The following GSE1 variants were observed in gnomAD, a reference collection of about 807,000 sequenced individuals.
GSE1 encodes the protein Gse1 coiled-coil protein, also known as genetic suppressor element 1.
A neutral mutation model predicts 112.6 loss-of-function variants in GSE1; 32 were observed. The ratio of observed to expected loss-of-function variants is 0.28; its 90% CI spans 0.21 to 0.38. The LOEUF is 0.38. GSE1 is among the 10% of genes least tolerant of loss of function. The pLI is 1.00. For missense variants in GSE1, 2,348 were observed against 1,699.2 expected (o/e 1.38, Z -6.71); for synonymous variants, 1,115 against 735.6 (o/e 1.52, Z -8.35).
chr16:85,314,705 C>T (rs535714593), intron 1 of GSE1, among the ~76,000 whole-genome samples: 71 of 152,286 alleles, frequency 4.7e-4, no homozygotes, highest in African/African-American at 1.5e-3. Context: ...CCTGGAGCTC[C>T]GCCGTCTCCC....
Position 85,413,223 on chromosome 16 carries a change from G to A in GSE1, c.2464+55580G>A, listed in dbSNP as rs145490965. 9.2e-5 allele frequency among the ~76,000 whole-genome samples: 14 copies of A among 152,368 alleles called. No homozygotes were observed. The East Asian group carries it at 2.7e-3, about 29-fold the overall frequency. ...CCGCTGTGAGTGAGGTTGAGGCAGC[G>A]GGGCTGAGGGACCCCCATCTCCCAC... is the stretch of plus-strand genomic sequence containing the variant. On this transcript the variant is annotated intron_variant, in intron 2 of 2. Transcript: ENST00000637419.
At chr16:85,476,974 G>C (rs2151858823) in intron 2 of GSE1, among the ~76,000 whole-genome samples, 1 of 148,380 alleles carries the variant, frequency 6.7e-6, no homozygotes, top group South Asian at 2.1e-4. Context: ...TGACCAACTG[G>C]AGTGCAGTGG....
intron 2 of GSE1, among the ~76,000 whole-genome samples, chr16:85,538,996 C>A (rs1222563315): frequency 6.6e-6 from 1 of 152,208 alleles, no homozygotes; most frequent in Non-Finnish European, 1.5e-5. Context: ...ACCATGGCAT[C>A]CGCCCTGGGT....
At chr16:85,420,603 C>T (rs2048817241) in intron 2 of GSE1, among the ~76,000 whole-genome samples, 1 of 152,140 alleles carries the variant, frequency 6.6e-6, no homozygotes, top group East Asian at 1.9e-4. Context: ...TGACGCGACT[C>T]ACAAACACTG....
chr16:85,487,346 A>G (rs893623723), intron 2 of GSE1, among the ~76,000 whole-genome samples: 8 of 152,140 alleles, frequency 5.3e-5, no homozygotes, highest in African/African-American at 1.9e-4. Context: ...TTTAGAGCTC[A>G]GGTTTTGCAG....
intron 1 of GSE1, chr16:85,594,655 C>T (rs2047145518): frequency 6.6e-6 from 1 of 152,308 alleles, no homozygotes; most frequent in South Asian, 2.1e-4. Context: ...GCAAGTTTCT[C>T]AGCCTCTCAG....
At chr16:85,617,153 C>G (rs2048421714) in intron 1 of GSE1, among the ~76,000 whole-genome samples, 1 of 152,232 alleles carries the variant, frequency 6.6e-6, no homozygotes, top group Admixed American at 6.5e-5. Flanking sequence ...TCACTGAGGC[C>G]AGTCCACCTG....
At chr16:85,188,078 A>G (rs2143405878) in intron 1 of GSE1, among the ~76,000 whole-genome samples, 1 of 152,326 alleles carries the variant, frequency 6.6e-6, no homozygotes. Context: ...GGCCGTGGCC[A>G]CTGTCATCCA....
At chr16:85,599,717 C>G (rs2047380322) in intron 1 of GSE1, among the ~76,000 whole-genome samples, 4 of 152,232 alleles carry the variant, frequency 2.6e-5, no homozygotes, top group African/African-American at 9.6e-5. Context: ...CTCTTCCTTT[C>G]TCTTTCTCCT....
rs575726758 is a variant in GSE1 at position 85,562,266 on chromosome 16, C to T, written c.37+5903C>T. ...CGATACCCCTGAGAGATGGGGAGGC[C>T]GCCACGGTTCCATCTGTCGGCTGGG... On this transcript the variant is annotated intron_variant, in intron 1 of 2. Transcript: ENST00000635906. 1.2e-4 allele frequency among the ~76,000 whole-genome samples: 19 copies of T among 152,338 alleles called. No homozygotes were observed. In the East Asian group the frequency reaches 1.7e-3, roughly 14 times the overall value.
At chr16:85,242,676 C>T (rs2143942176) in intron 1 of GSE1, among the ~76,000 whole-genome samples, 1 of 152,318 alleles carries the variant, frequency 6.6e-6, no homozygotes, top group African/African-American at 2.4e-5. Context: ...ACGACAGCGA[C>T]CCCGACCCCA....
In GSE1 at chr16:85,654,960, G is replaced by A. The variant is rs1338926331; in HGVS notation, c.766G>A (p.Ala256Thr). The change falls in exon 5 of 16, where the codon GCC (alanine) becomes ACC (threonine). Residue 256 changes from alanine to threonine, a missense_variant. Ala to Thr is a moderately conservative substitution (Grantham distance 58). Coordinates refer to ENST00000253458, the MANE Select transcript of GSE1 (RefSeq NM_014615.5). ...AAAYYHPSYL[A>T]PHPFPHPAFR... The stretch of plus-strand genomic sequence containing the variant: ...AGCCTACTACCACCCCAGCTACCTG[G>A]CCCCACACCCCTTCCCCCACCCGGC... 2 of 1,606,448 alleles carry A rather than the reference G, an allele frequency of 1.2e-6. No homozygotes were observed. Among genetic ancestry groups the A allele is most frequent in the Non-Finnish European group, 1.7e-6 (2 of 1,177,924 alleles).
In GSE1 at chr16:85,666,039, C is replaced by T. The variant is rs201518694; in HGVS notation, c.2822C>T (p.Ser941Phe). 3 of 1,613,694 alleles carry T rather than the reference C, an allele frequency of 1.9e-6. No homozygotes were observed. Among genetic ancestry groups the T allele is most frequent in the South Asian group, 1.1e-5 (1 of 91,088 alleles). Residue 941 changes from serine (S) to phenylalanine (F), a missense_variant, in exon 13 of 16, where the codon TCT becomes TTT. Transcript: ENST00000253458. ...EKPVGVAASL[S>F]DIPKAAEPGK... ...CCGGTTGGTGTTGCTGCTTCCTTGT[C>T]TGACATCCCAAAGGCCGCGGAGCCT...
intron 1 of GSE1, among the ~76,000 whole-genome samples, chr16:85,562,319 G>A (rs1474376254): frequency 1.3e-5 from 2 of 152,194 alleles, no homozygotes; most frequent in African/African-American, 2.4e-5. Flanking sequence ...TGTCCCAGCT[G>A]CAGCCCAGCC....
chr16:85,668,324 A>AGAGGAG lies in GSE1; in HGVS notation c.3318_3323dup (p.Glu1106_Glu1107dup), dbSNP rs775373743. 7 of 1,611,406 alleles carry AGAGGAG rather than the reference A, an allele frequency of 4.3e-6. No homozygotes were observed. The highest frequency in any genetic ancestry group is 5.9e-6 in the Non-Finnish European group (7 of 1,177,742). Reference sequence around the variant, plus strand: ...TGGACCGGGACTCGGAGGAGGAGGAAGAGGAGGATGATGAAGATGGAGAAG... The same window carrying AGAGGAG: ...TGGACCGGGACTCGGAGGAGGAGGAAGAGGAGGAGGAGGATGATGAAGATGGAGAAG... On this transcript the variant is annotated inframe_insertion, in exon 14 of 16. Coordinates refer to ENST00000253458, the MANE Select transcript of GSE1 (RefSeq NM_014615.5).
Position 85,412,775 on chromosome 16 carries a change from C to G in GSE1, c.2464+55132C>G, listed in dbSNP as rs139745971. Among the ~76,000 whole-genome samples, 83 of 152,230 alleles carry G rather than the reference C, an allele frequency of 5.5e-4. 2 individuals are homozygous for G. The East Asian group carries it at 0.015, about 28-fold the overall frequency. ...TTGCACTCAGGGTCCCTCTGATAAT[C>G]CTCGCTGACCTCTCCAGTGCAACTG... On this transcript the variant is annotated intron_variant, in intron 2 of 2. Coordinates refer to the GSE1 transcript ENST00000637419.
At chr16:85,256,895 A>G (rs1202537750) in intron 1 of GSE1, among the ~76,000 whole-genome samples, 1 of 152,246 alleles carries the variant, frequency 6.6e-6, no homozygotes, top group Non-Finnish European at 1.5e-5. Flanking sequence ...CACTCACTGA[A>G]TTTCAAGTGC....
chr16:85,474,261 C>T (rs2050383205), intron 2 of GSE1, among the ~76,000 whole-genome samples: 1 of 152,080 alleles, frequency 6.6e-6, no homozygotes. Flanking sequence ...CATCTCAGTG[C>T]AGCCTCCACC....
chr16:85,196,168 G>A (rs2074923075), intron 1 of GSE1, among the ~76,000 whole-genome samples: 1 of 152,208 alleles, frequency 6.6e-6, no homozygotes. Context: ...CAGAACTTTT[G>A]GACTTGGGGG....
Sources: gnomAD v4.1 joint callset for allele counts (sites outside exome capture counted in the v4.1 genomes callset) on GRCh38, gnomAD v4.1.1 for gene constraint, MANE v1.5 for transcripts, NCBI Gene and HGNC (gene_info 2026-07-23, HGNC 2026-07-21) for gene names.